Variants in KCNU1 observed in about 807,000 individuals in gnomAD.
KCNU1 encodes the protein potassium calcium-activated channel subfamily U member 1, also known as potassium channel subfamily U member 1.
In KCNU1, 93 loss-of-function variants were observed where a neutral mutation model predicts 126.8. The ratio of observed to expected loss-of-function variants is 0.73; its 90% CI spans 0.62 to 0.87. KCNU1 has a LOEUF of 0.87. Ranked by LOEUF, KCNU1 falls within the 40% of genes least tolerant of loss-of-function variation. KCNU1 has a pLI of 0.00. For missense variants in KCNU1, 1,330 were observed against 1,367.1 expected (o/e 0.97, Z 0.43); for synonymous variants, 523 against 494.2 (o/e 1.06, Z -0.77).
intron 13 of KCNU1, among the ~76,000 whole-genome samples, chr8:36,836,576 A>G (rs1804757121): frequency 6.6e-6 from 1 of 152,176 alleles, no homozygotes; most frequent in South Asian, 2.1e-4. Context: ...AACTCTAGCT[A>G]TTTTTGTTTC....
intron 10 of KCNU1, among the ~76,000 whole-genome samples, chr8:36,822,965 T>C (rs1352416752): frequency 1.3e-5 from 2 of 152,148 alleles, no homozygotes; most frequent in African/African-American, 4.8e-5. Context: ...ACAGAAGAAA[T>C]CAGTTCTCAG....
At chr8:36,844,315 G>T (rs1805062664) in intron 16 of KCNU1, among the ~76,000 whole-genome samples, 1 of 152,016 alleles carries the variant, frequency 6.6e-6, no homozygotes, top group Admixed American at 6.5e-5. Flanking sequence ...GGAAGGCAGA[G>T]GTTGCAGTGA....
intron 10 of KCNU1, among the ~76,000 whole-genome samples, chr8:36,832,152 T>G (rs1804576863): frequency 1.3e-5 from 2 of 152,218 alleles, no homozygotes; most frequent in African/African-American, 4.8e-5. Context: ...CATGCTGTTT[T>G]GGTTACTGTA....
chr8:36,812,884 A>G (rs1234392309), intron 7 of KCNU1, among the ~76,000 whole-genome samples: 1 of 152,198 alleles, frequency 6.6e-6, no homozygotes. Context: ...TCTTTAAAAA[A>G]TTATAAAGGA....
intron 18 of KCNU1, among the ~76,000 whole-genome samples, chr8:36,858,190 A>C (rs908711522): frequency 6.6e-6 from 1 of 151,576 alleles, no homozygotes; most frequent in East Asian, 1.9e-4. Flanking sequence ...AAAAAAAAAA[A>C]AAAAAAAAAC....
At chr8:36,839,719 A>G (rs1215514474) in intron 14 of KCNU1, among the ~76,000 whole-genome samples, 1 of 152,174 alleles carries the variant, frequency 6.6e-6, no homozygotes. Context: ...CAAGATTTTC[A>G]TCTGAGATTC....
At chr8:36,928,460 C>A (rs1808598578) in intron 24 of KCNU1, among the ~76,000 whole-genome samples, 1 of 152,040 alleles carries the variant, frequency 6.6e-6, no homozygotes, top group African/African-American at 2.4e-5. Context: ...TCCATAAGCA[C>A]CCTCCCAGGT....
intron 18 of KCNU1, among the ~76,000 whole-genome samples, chr8:36,847,675 T>A (rs2130603683): frequency 6.6e-6 from 1 of 152,358 alleles, no homozygotes; most frequent in Non-Finnish European, 1.5e-5. Flanking sequence ...TGCATAGTAT[T>A]TCATTGTTTA....
At chr8:36,879,191 A>ATG (rs767490761) in intron 19 of KCNU1, among the ~76,000 whole-genome samples, 3,421 of 114,872 alleles carry the variant, frequency 0.03, 84 homozygotes, top group African/African-American at 0.042. Context: ...GCATATATGT[A>ATG]TGTGTGTGTG....
At chr8:36,862,126 A>T (rs1805752572) in intron 18 of KCNU1, among the ~76,000 whole-genome samples, 1 of 152,178 alleles carries the variant, frequency 6.6e-6, no homozygotes, top group South Asian at 2.1e-4. Context: ...GGAAAAATCC[A>T]TTTCAACTTT....
At chr8:36,895,748 TA>T (rs908116024) in intron 19 of KCNU1, among the ~76,000 whole-genome samples, 9 of 152,118 alleles carry the variant, frequency 5.9e-5, no homozygotes, top group Admixed American at 2.0e-4. Flanking sequence ...ATGCAAGTGC[TA>T]AAAAAATTCT....
In KCNU1 at chr8:36,931,057, C is replaced by A; in HGVS notation, c.2843C>A (p.Ala948Glu). The change falls in exon 25 of 27, where the codon GCA becomes GAA. Residue 948 changes from alanine to glutamate, a missense_variant. Ala to Glu is a moderately radical substitution (Grantham distance 107, BLOSUM62 -1). Coordinates refer to ENST00000399881, the MANE Select transcript of KCNU1 (RefSeq NM_001031836.3). ...GATAAGGATAAAGTCTATGGTGTGG[C>A]AGATAGCTGCACGTCGCTCTTGTCT... is the stretch of plus-strand genomic sequence containing the variant. Reference protein sequence around the residue: ...HLDKDKVYGVADSCTSLLSGR... With the variant: ...HLDKDKVYGVEDSCTSLLSGR... 2 of 1,611,766 alleles carry A rather than the reference C, an allele frequency of 1.2e-6. No individual in the cohort carries two copies. Among genetic ancestry groups the A allele is most frequent in the Non-Finnish European group, 1.7e-6 (2 of 1,178,740 alleles).
intron 26 of KCNU1, among the ~76,000 whole-genome samples, chr8:36,934,014 T>G (rs1418777597): frequency 6.6e-6 from 1 of 151,722 alleles, no homozygotes; most frequent in Non-Finnish European, 1.5e-5. Context: ...GACCATACAG[T>G]GAAAGAAGAA....
At chr8:36,830,508 G>A (rs2130532145) in intron 10 of KCNU1, among the ~76,000 whole-genome samples, 1 of 152,038 alleles carries the variant, frequency 6.6e-6, no homozygotes. Context: ...GATATTTTTG[G>A]TAATATGATT....
Position 36,808,746 on chromosome 8 carries a change from T to C in KCNU1, c.685T>C (p.Ser229Pro), listed in dbSNP as rs1174488763. The C allele has an allele frequency of 6.2e-7, 1 of 1,611,650 alleles. No homozygotes were observed. Among genetic ancestry groups the C allele is most frequent in the South Asian group, 1.1e-5 (1 of 90,548 alleles). The change falls in exon 7 of 27, where the codon TCA becomes CCA. Residue 229 changes from serine to proline, a missense_variant. Around this residue, in one of 3 missense-constraint regions of KCNU1, gnomAD observed 29 missense variants for 57.8 expected, o/e 0.50. Transcript: ENST00000399881. The stretch of plus-strand genomic sequence containing the variant: ...CTCAGTGAAGTTTTCCAAACTGCTG[T>C]CAATAATTCTCAGTACCTGGTTCAC... Reference protein sequence around the residue: ...SNSVKFSKLLSIILSTWFTAA... With the variant: ...SNSVKFSKLLPIILSTWFTAA...
intron 23 of KCNU1, among the ~76,000 whole-genome samples, chr8:36,922,216 C>A (rs1017329551): frequency 5.3e-5 from 8 of 152,086 alleles, no homozygotes; most frequent in African/African-American, 1.4e-4. Flanking sequence ...ACAAGGATGA[C>A]AATCAGAACA....
intron 19 of KCNU1, among the ~76,000 whole-genome samples, chr8:36,896,547 T>C (rs1585528757): frequency 1.3e-5 from 2 of 152,004 alleles, no homozygotes; most frequent in South Asian, 4.1e-4. Flanking sequence ...AAAGTAATAG[T>C]ACAGCAGATA....
chr8:36,927,942 G>C (rs541744736), intron 24 of KCNU1, among the ~76,000 whole-genome samples: 239 of 149,350 alleles, frequency 1.6e-3, no homozygotes, highest in Non-Finnish European at 2.7e-3. Context: ...GAGGGAGGGA[G>C]GGAGGAAGGG....
At chr8:36,890,744 T>C (rs1806930753) in intron 19 of KCNU1, among the ~76,000 whole-genome samples, 1 of 151,952 alleles carries the variant, frequency 6.6e-6, no homozygotes, top group Admixed American at 6.6e-5. Flanking sequence ...ATGTGCTATA[T>C]ATAAGAAATC....
Sources: gnomAD v4.1 joint callset for allele counts (sites outside exome capture counted in the v4.1 genomes callset) on GRCh38, gnomAD v4.1.1 for gene constraint, gnomAD v4.1.1 regional missense constraint, MANE v1.5 for transcripts, NCBI Gene and HGNC (gene_info 2026-07-23, HGNC 2026-07-21) for gene names.